The following MSI2 variants were observed in gnomAD, a reference collection of about 807,000 sequenced individuals.
MSI2 encodes the protein musashi RNA binding protein 2.
MSI2 carries 17 observed loss-of-function variants against 45.6 expected under a neutral mutation model. The observed-to-expected ratio is 0.37, with a 90% CI of 0.26 to 0.56. MSI2 has a LOEUF of 0.56. Ranked by LOEUF, MSI2 falls within the 20% of genes least tolerant of loss-of-function variation. MSI2 has a pLI of 0.77. For missense variants in MSI2, 293 were observed against 444.2 expected (o/e 0.66, Z 3.06); for synonymous variants, 156 against 158.2 (o/e 0.99, Z 0.11).
intron 6 of MSI2, among the ~76,000 whole-genome samples, chr17:57,421,180 G>A (rs2084388442): frequency 6.6e-6 from 1 of 151,946 alleles, no homozygotes; most frequent in African/African-American, 2.4e-5. Context: ...GCAGCTGATA[G>A]CCTGGCTTCC....
intron 5 of MSI2, among the ~76,000 whole-genome samples, chr17:57,284,343 C>G (rs1431293473): frequency 6.6e-6 from 1 of 152,110 alleles, no homozygotes; most frequent in Non-Finnish European, 1.5e-5. Context: ...CACCCGCCAC[C>G]CCGAAACGTT....
At chr17:57,380,927 A>C (rs2144025308) in intron 5 of MSI2, among the ~76,000 whole-genome samples, 1 of 152,138 alleles carries the variant, frequency 6.6e-6, no homozygotes, top group African/African-American at 2.4e-5. Context: ...CCAGGTTCTC[A>C]GGGGGTCTTC....
At chr17:57,687,066 G>A (rs1409882700), downstream of MSI2, among the ~76,000 whole-genome samples, 1 of 151,138 alleles carries the variant, frequency 6.6e-6, no homozygotes, top group Non-Finnish European at 1.5e-5. Flanking sequence ...TATTATAACT[G>A]TGTACAAATT....
intron 8 of MSI2, among the ~76,000 whole-genome samples, chr17:57,614,341 C>CTG (rs1907470638): frequency 2.6e-5 from 4 of 152,226 alleles, no homozygotes; most frequent in Admixed American, 2.0e-4. Context: ...GTGTGAGCCA[C>CTG]CACGTCCGGC....
intron 6 of MSI2, among the ~76,000 whole-genome samples, chr17:57,528,015 G>A (rs1216239988): frequency 6.6e-6 from 1 of 152,156 alleles, no homozygotes; most frequent in African/African-American, 2.4e-5. Flanking sequence ...GCCTTTGAGT[G>A]CACATCAACG....
chr17:57,347,476 A>G (rs1246326732), intron 5 of MSI2, among the ~76,000 whole-genome samples: 1 of 152,108 alleles, frequency 6.6e-6, no homozygotes, highest in Non-Finnish European at 1.5e-5. Context: ...ATTGCTTTCC[A>G]GCCCCATCCG....
At position 57,256,895 on chromosome 17, in the gene MSI2, G is replaced by C. The variant is rs1017120267; in HGVS notation, c.62+91G>C. The C allele has an allele frequency of 1.2e-5, 11 of 902,282 alleles. No individual in the cohort carries two copies. The South Asian group carries it at 2.3e-4, about 19-fold the overall frequency. 55.9% of individuals were successfully genotyped at this position (902,282 alleles called of 1,614,324 possible). On this transcript the variant is annotated intron_variant, in intron 1 of 13. Coordinates refer to ENST00000284073, the MANE Select transcript of MSI2 (RefSeq NM_138962.4). ...CGGTGCGCGGAGCCGGGCATCTCCC[G>C]CGCCCCCCCGCCTCTCCCGCGCGCC...
chr17:57,332,212 T>G (rs1240321800), intron 5 of MSI2, among the ~76,000 whole-genome samples: 2 of 151,966 alleles, frequency 1.3e-5, no homozygotes, highest in Non-Finnish European at 2.9e-5. Context: ...GCAATTCTCC[T>G]GCCTCAGCCT....
chr17:57,504,965 G>A (rs1333111492), intron 6 of MSI2, among the ~76,000 whole-genome samples: 1 of 151,954 alleles, frequency 6.6e-6, no homozygotes, highest in African/African-American at 2.4e-5. Flanking sequence ...GTAAGGAAAG[G>A]GGAGAATGGG....
At chr17:57,406,203 A>G (rs2084078261) in intron 6 of MSI2, among the ~76,000 whole-genome samples, 2 of 152,162 alleles carry the variant, frequency 1.3e-5, no homozygotes, top group African/African-American at 2.4e-5. Flanking sequence ...ATTCCAAAAA[A>G]TGGCAGGTAA....
intron 6 of MSI2, among the ~76,000 whole-genome samples, chr17:57,454,875 A>C (rs998234111): frequency 6.6e-6 from 1 of 152,214 alleles, no homozygotes; most frequent in African/African-American, 2.4e-5. Context: ...CCCTCTGGCT[A>C]GGGAAGAGGG....
chr17:57,562,873 G>A (rs979591559), intron 7 of MSI2, among the ~76,000 whole-genome samples: 13 of 151,968 alleles, frequency 8.6e-5, no homozygotes, highest in Admixed American at 2.6e-4. Context: ...CGAGGCAGGC[G>A]GATCACCTGA....
In MSI2 at chr17:57,358,202, G is replaced by GT. The variant is rs58628603; in HGVS notation, c.313-43177_313-43176insT. On this transcript the variant is annotated intron_variant, in intron 5 of 13. Transcript: ENST00000284073. ...TCGTGGGTTTTTCTGTGTGTGTGGG[G>GT]GGGTGTGTGTGTGTGTGTGTGTGTG... is the stretch of plus-strand genomic sequence containing the variant. 1.7e-3 allele frequency among the ~76,000 whole-genome samples: 250 copies of GT among 150,706 alleles called. 1 individual carries two copies. The highest frequency in any genetic ancestry group is 5.5e-3 in the African/African-American group (225 of 41,098).
intron 11 of MSI2, among the ~76,000 whole-genome samples, chr17:57,653,972 T>G (rs941654241): frequency 2.6e-5 from 4 of 151,904 alleles, no homozygotes; most frequent in African/African-American, 9.7e-5. Context: ...GGTGTTTGAT[T>G]TGTAGCCATT....
At chr17:57,298,800 A>T (rs1032281171) in intron 5 of MSI2, among the ~76,000 whole-genome samples, 1 of 150,652 alleles carries the variant, frequency 6.6e-6, no homozygotes, top group Admixed American at 6.6e-5. Flanking sequence ...TAAAGTCACC[A>T]GTTGTATTAG....
chr17:57,700,269 T>G, the MSI2 span, among the ~76,000 whole-genome samples: 1 of 152,184 alleles, frequency 6.6e-6, no homozygotes, highest in South Asian at 2.1e-4. Context: ...TATGCCGGCT[T>G]GTGTAAAGTA....
intron 6 of MSI2, among the ~76,000 whole-genome samples, chr17:57,434,079 C>A (rs1327356765): frequency 6.6e-6 from 1 of 152,144 alleles, no homozygotes; most frequent in Non-Finnish European, 1.5e-5. Flanking sequence ...CTTATCATTT[C>A]TTTGTAGTAA....
At chr17:57,641,398 G>A (rs1040132408) in intron 10 of MSI2, among the ~76,000 whole-genome samples, 2 of 152,100 alleles carry the variant, frequency 1.3e-5, no homozygotes, top group African/African-American at 2.4e-5. Flanking sequence ...AAAAGCCCAC[G>A]TGACATGAAG....
At chr17:57,366,007 C>T (rs188313615) in intron 5 of MSI2, among the ~76,000 whole-genome samples, 8 of 152,226 alleles carry the variant, frequency 5.3e-5, no homozygotes, top group Admixed American at 2.0e-4. Context: ...CTGCCTCCCC[C>T]GGATCAAGGG....
Sources: allele counts gnomAD v4.1 joint callset (sites outside exome capture counted in the v4.1 genomes callset), GRCh38; gene constraint gnomAD v4.1.1; transcripts MANE v1.5; gene names NCBI Gene and HGNC (gene_info 2026-07-23, HGNC 2026-07-21).